CLIP1: variants seen among roughly 807,000 people sequenced by gnomAD.
CLIP1 encodes CAP-Gly domain containing linker protein 1.
CLIP1 carries 66 observed loss-of-function variants against 161.6 expected under a neutral mutation model. That is an observed-to-expected ratio of 0.41 (90% CI 0.33 to 0.50). CLIP1 has a LOEUF of 0.50. Among genes scored for constraint, CLIP1 ranks in the 20% least tolerant of loss-of-function variants. The pLI is 0.27. For synonymous variants in CLIP1, 598 were observed against 626.2 expected (o/e 0.96, Z 0.67); for missense variants, 1,376 against 1,702.0 (o/e 0.81, Z 3.37).
At chr12:122,350,953 A>T (rs1317476855) in intron 9 of CLIP1, 158 bp downstream of exon 9, 2 of 497,924 alleles carry the variant, frequency 4.0e-6, no homozygotes, top group African/African-American at 1.9e-5. Context: ...TCAGGATATA[A>T]ATGTAATTGC....
In CLIP1 at chr12:122,380,433, C is replaced by G; in HGVS notation, c.20G>C (p.Ser7Thr). Residue 7 changes from serine (S) to threonine (T), a missense_variant, in exon 2 of 26, where the codon AGT becomes ACT. Coordinates refer to ENST00000620786, the MANE Select transcript of CLIP1 (RefSeq NM_001247997.2). MSMLKP[S>T]GLKAPTKILK... Reference sequence around the variant, plus strand: ...GATCTTGGTGGGGGCCTTAAGCCCACTTGGCTTTAGCATACTCATTTTCTT... The same window carrying G: ...GATCTTGGTGGGGGCCTTAAGCCCAGTTGGCTTTAGCATACTCATTTTCTT... 6.2e-7 allele frequency: 1 copy of G among 1,612,924 alleles called. No homozygotes were observed. Among genetic ancestry groups the G allele is most frequent in the South Asian group, 1.1e-5 (1 of 90,966 alleles).
chr12:122,362,786 T>C (rs530920617), intron 4 of CLIP1, among the ~76,000 whole-genome samples: 1 of 146,620 alleles, frequency 6.8e-6, no homozygotes, highest in African/African-American at 2.5e-5. Flanking sequence ...AAAACGGCAT[T>C]GGAGGGAAAA....
chr12:122,363,811 G>C (rs1566177151), intron 4 of CLIP1, among the ~76,000 whole-genome samples, 172 bp downstream of exon 4: 1 of 152,108 alleles, frequency 6.6e-6, no homozygotes, highest in Non-Finnish European at 1.5e-5. Flanking sequence ...CAGTCAAAAA[G>C]AACAGCCCCA....
intron 1 of CLIP1, among the ~76,000 whole-genome samples, chr12:122,422,251 GAGGAAGCGA>G (rs1956974706): frequency 6.6e-6 from 1 of 152,018 alleles, no homozygotes; most frequent in African/African-American, 2.4e-5. Context: ...GAGGCGGGCG[GAGGAAGCGA>G]AGGCCCGGCT....
chr12:122,309,978 T>C (rs1465192670), intron 19 of CLIP1, 96 bp from the exon 20 acceptor site: 1 of 1,349,404 alleles, frequency 7.4e-7, no homozygotes, highest in African/African-American at 1.4e-5. Context: ...AAAATATATC[T>C]GGGTCACGTG....
intron 3 of CLIP1, among the ~76,000 whole-genome samples, chr12:122,373,271 A>G (rs1319885596): frequency 2.0e-5 from 3 of 152,032 alleles, no homozygotes; most frequent in Non-Finnish European, 4.4e-5. Context: ...CTAAAAATAC[A>G]AAGAATTAGC....
chr12:122,328,193 A>G lies in CLIP1; in HGVS notation c.3034-31T>C, dbSNP rs762294800. ...GAGACCCCGAATGAGGGAATGAGTC[A>G]TCTGCCCATGCGTGTACTATCCCTT... On this transcript the variant is annotated intron_variant, in intron 16 of 25. Coordinates refer to ENST00000620786, the MANE Select transcript of CLIP1 (RefSeq NM_001247997.2). 4.3e-6 allele frequency: 7 copies of G among 1,613,436 alleles called. No individual in the cohort carries two copies. The Admixed American group carries it at 1.2e-4, about 27-fold the overall frequency.
intron 11 of CLIP1, among the ~76,000 whole-genome samples, chr12:122,338,587 G>A (rs1952349541): frequency 6.6e-6 from 1 of 151,842 alleles, no homozygotes; most frequent in Admixed American, 6.6e-5. Flanking sequence ...CATGATGGCG[G>A]GCGCCTGTAA....
intron 21 of CLIP1, 95 bp downstream of exon 21, chr12:122,288,394 G>T: frequency 9.4e-7 from 1 of 1,062,278 alleles, no homozygotes; most frequent in Non-Finnish European, 1.4e-6. Flanking sequence ...CTGAATCTAA[G>T]AAGGTCACTT....
At chr12:122,281,434 C>T (rs1044974066) in intron 21 of CLIP1, among the ~76,000 whole-genome samples, 8 of 152,154 alleles carry the variant, frequency 5.3e-5, no homozygotes, top group African/African-American at 1.9e-4. Flanking sequence ...TCCATGTCAT[C>T]CCAGCATTCT....
intron 1 of CLIP1, among the ~76,000 whole-genome samples, chr12:122,410,527 C>T (rs564352475): frequency 4.0e-5 from 6 of 148,924 alleles, no homozygotes; most frequent in South Asian, 2.1e-4. Context: ...GGCGCAATCT[C>T]GGCTCACTGC....
At chr12:122,282,669 GTGTATATA>G (rs1214165061) in intron 21 of CLIP1, among the ~76,000 whole-genome samples, 1 of 151,950 alleles carries the variant, frequency 6.6e-6, no homozygotes, top group African/African-American at 2.4e-5. Context: ...GTGTTTGTGT[GTGTATATA>G]TATATGTATA....
intron 15 of CLIP1, 45 bp from the exon 16 acceptor site, chr12:122,328,471 G>T: frequency 8.0e-7 from 1 of 1,244,864 alleles, no homozygotes; most frequent in South Asian, 1.8e-5. Flanking sequence ...TCATAAGAAT[G>T]TTTTAAATTT....
chr12:122,387,279 A>C (rs1250245954), intron 1 of CLIP1, among the ~76,000 whole-genome samples: 1 of 152,082 alleles, frequency 6.6e-6, no homozygotes, highest in African/African-American at 2.4e-5. Flanking sequence ...AGAGAATCAA[A>C]ACTATTTTCA....
At position 122,316,773 on chromosome 12, in the gene CLIP1, T is replaced by C; in HGVS notation, c.3449A>G (p.Lys1150Arg). 6.3e-7 allele frequency: 1 copy of C among 1,578,792 alleles called. No homozygotes were observed. The change falls in exon 19 of 26, where the codon AAA becomes AGA. Residue 1150 changes from lysine to arginine, a missense_variant. Coordinates refer to ENST00000620786, the MANE Select transcript of CLIP1 (RefSeq NM_001247997.2). Reference protein sequence around the residue: ...SKELLTVENQKMEEFRKEIET... With the variant: ...SKELLTVENQRMEEFRKEIET... ...CATTTCTTTCCTAAATTCTTCCATT[T>C]TTTGATTCTCTACAGTCAGGAGTTC... is the stretch of plus-strand genomic sequence containing the variant.
At chr12:122,318,464 T>G (rs191323501) in intron 18 of CLIP1, among the ~76,000 whole-genome samples, 55 of 151,520 alleles carry the variant, frequency 3.6e-4, no homozygotes, top group African/African-American at 9.7e-4. Flanking sequence ...ACCCAGGAGG[T>G]GGAGGTTGCA....
At chr12:122,305,010 A>G (rs1022859404) in intron 20 of CLIP1, among the ~76,000 whole-genome samples, 1 of 152,242 alleles carries the variant, frequency 6.6e-6, no homozygotes, top group African/African-American at 2.4e-5. Flanking sequence ...TACATCTGCT[A>G]TAACCTCTGT....
intron 3 of CLIP1, among the ~76,000 whole-genome samples, chr12:122,373,941 A>T (rs1319891949): frequency 6.6e-6 from 1 of 152,244 alleles, no homozygotes; most frequent in African/African-American, 2.4e-5. Flanking sequence ...AAAAAAGCAC[A>T]TACTGGATAA....
chr12:122,354,729 T>TAA, intron 6 of CLIP1, 173 bp from the exon 7 acceptor site: 1 of 596,424 alleles, frequency 1.7e-6, no homozygotes, highest in South Asian at 2.0e-5. Flanking sequence ...TCCTGGAAGA[T>TAA]AGATGATGAA....
Sources: allele counts gnomAD v4.1 joint callset (sites outside exome capture counted in the v4.1 genomes callset), GRCh38; gene constraint gnomAD v4.1.1; transcripts MANE v1.5; gene names NCBI Gene and HGNC (gene_info 2026-07-23, HGNC 2026-07-21).